The following SRD5A2 variants were observed in gnomAD, a reference collection of about 807,000 sequenced individuals.
The protein encoded by SRD5A2 is steroid 5 alpha-reductase 2.
SRD5A2 carries 30 observed loss-of-function variants against 27.4 expected under a neutral mutation model. The ratio of observed to expected loss-of-function variants is 1.10; its 90% CI spans 0.82 to 1.49. The LOEUF (loss-of-function observed/expected upper bound fraction) is 1.49, where lower values mean the gene tolerates loss of function less well. Ranked by LOEUF, SRD5A2 falls within the 40% of genes most tolerant of loss-of-function variation. SRD5A2 has a pLI of 0.00. For missense variants in SRD5A2, 348 were observed against 323.4 expected (o/e 1.08, Z -0.58); for synonymous variants, 141 against 133.6 (o/e 1.06, Z -0.38).
At chr2:31,581,604 G>A (rs1392237384), upstream of SRD5A2, among the ~76,000 whole-genome samples, 1 of 152,130 alleles carries the variant, frequency 6.6e-6, no homozygotes, top group Non-Finnish European at 1.5e-5. Flanking sequence ...ACGCGTCCCT[G>A]AGCCGCCTGC....
chr2:31,612,498 A>G, the SRD5A2 span, among the ~76,000 whole-genome samples: 1 of 152,184 alleles, frequency 6.6e-6, no homozygotes, highest in South Asian at 2.1e-4. Context: ...AAATGATAAA[A>G]CATTGATGAA....
At chr2:31,568,065 C>A (rs1478351271) in intron 1 of SRD5A2, among the ~76,000 whole-genome samples, 1 of 152,140 alleles carries the variant, frequency 6.6e-6, no homozygotes, top group African/African-American at 2.4e-5. Context: ...ATGGTTGGAC[C>A]AGATGTACCC....
the SRD5A2 span, among the ~76,000 whole-genome samples, chr2:31,644,329 G>A: frequency 6.6e-6 from 1 of 152,144 alleles, no homozygotes; most frequent in African/African-American, 2.4e-5. Context: ...CAAAAAATGC[G>A]ATGCACGATC....
chr2:31,613,649 C>A, the SRD5A2 span, among the ~76,000 whole-genome samples: 1 of 152,118 alleles, frequency 6.6e-6, no homozygotes, highest in African/African-American at 2.4e-5. Context: ...TATGATCCAG[C>A]AATTCCATTT....
chr2:31,533,719 A>G lies in SRD5A2; in HGVS notation c.329T>C (p.Ile110Thr). Residue 110 changes from isoleucine (I) to threonine (T), a missense_variant, in exon 2 of 5, where the codon ATA (isoleucine) becomes ACA (threonine). By Grantham distance (89) the Ile-to-Thr change is moderately conservative. Transcript: ENST00000622030. ...LLNRGRPYPAILILRGTAFCT... is the reference protein window; with the variant it reads ...LLNRGRPYPATLILRGTAFCT... The stretch of plus-strand genomic sequence containing the variant: ...GAAGGCAGTGCCTCTGAGAATGAGT[A>G]TAGCTGGATAAGGCCTCCCTCGATT... 3 of 1,599,922 alleles carry G rather than the reference A, an allele frequency of 1.9e-6. No individual in the cohort carries two copies. The highest frequency in any genetic ancestry group is 2.3e-5 in the South Asian group (2 of 87,662).
At chr2:31,559,468 C>A (rs1666570891) in intron 1 of SRD5A2, among the ~76,000 whole-genome samples, 1 of 152,000 alleles carries the variant, frequency 6.6e-6, no homozygotes, top group Non-Finnish European at 1.5e-5. Context: ...CGTGCTAGAA[C>A]CTACTATTCT....
chr2:31,564,291 A>G (rs2148091768), intron 1 of SRD5A2, among the ~76,000 whole-genome samples: 1 of 152,164 alleles, frequency 6.6e-6, no homozygotes, highest in East Asian at 1.9e-4. Flanking sequence ...AGATGGGATT[A>G]GCAACAGATA....
At chr2:31,646,623 G>T in the SRD5A2 span, among the ~76,000 whole-genome samples, 2 of 152,056 alleles carry the variant, frequency 1.3e-5, no homozygotes, top group African/African-American at 2.4e-5. Flanking sequence ...CTAACAAGAA[G>T]TTAAGAGTTT....
chr2:31,636,396 A>G, the SRD5A2 span, among the ~76,000 whole-genome samples: 2 of 152,034 alleles, frequency 1.3e-5, no homozygotes, highest in East Asian at 3.8e-4. Flanking sequence ...CTGCAACTTT[A>G]CTGAATTATG....
chr2:31,588,931 T>G, the SRD5A2 span, among the ~76,000 whole-genome samples: 1 of 152,114 alleles, frequency 6.6e-6, no homozygotes, highest in Admixed American at 6.6e-5. Flanking sequence ...CACTGTGAGC[T>G]TTTGCTGCAA....
At chr2:31,595,204 T>A in the SRD5A2 span, among the ~76,000 whole-genome samples, 1 of 151,792 alleles carries the variant, frequency 6.6e-6, no homozygotes, top group Non-Finnish European at 1.5e-5. Context: ...AATAAAAATA[T>A]CAGTGCAAAA....
At chr2:31,598,037 T>C in the SRD5A2 span, among the ~76,000 whole-genome samples, 1 of 151,956 alleles carries the variant, frequency 6.6e-6, no homozygotes, top group Non-Finnish European at 1.5e-5. Context: ...ATTGCAAAAA[T>C]ATGAAACCAA....
the SRD5A2 span, among the ~76,000 whole-genome samples, chr2:31,595,889 G>T: frequency 6.6e-6 from 1 of 152,158 alleles, no homozygotes; most frequent in East Asian, 1.9e-4. Flanking sequence ...GGGACGCAGG[G>T]TTGGCTTAAT....
At chr2:31,585,926 C>T (rs1667168376), upstream of SRD5A2, among the ~76,000 whole-genome samples, 1 of 152,216 alleles carries the variant, frequency 6.6e-6, no homozygotes, top group South Asian at 2.1e-4. Context: ...AGCAGTACTT[C>T]TTGTGGGCTG....
intron 1 of SRD5A2, among the ~76,000 whole-genome samples, chr2:31,573,734 G>A (rs953723395): frequency 1.3e-5 from 2 of 152,116 alleles, no homozygotes; most frequent in Non-Finnish European, 2.9e-5. Flanking sequence ...CAAAGGATGC[G>A]TACAGCTCAG....
At chr2:31,590,188 C>T in the SRD5A2 span, among the ~76,000 whole-genome samples, 1 of 106,888 alleles carries the variant, frequency 9.4e-6, no homozygotes, top group African/African-American at 3.6e-5. Flanking sequence ...TTTTTCTCTA[C>T]CCACCCTGGC....
At chr2:31,613,634 A>G in the SRD5A2 span, among the ~76,000 whole-genome samples, 1 of 152,196 alleles carries the variant, frequency 6.6e-6, no homozygotes, top group East Asian at 1.9e-4. Flanking sequence ...AAAATGGAAT[A>G]TTCATATGAT....
the SRD5A2 span, among the ~76,000 whole-genome samples, chr2:31,632,642 C>T: frequency 6.6e-6 from 1 of 152,128 alleles, no homozygotes; most frequent in Non-Finnish European, 1.5e-5. Context: ...CTGTCCTGGA[C>T]AACTGTCCTC....
chr2:31,593,354 T>C, the SRD5A2 span, among the ~76,000 whole-genome samples: 1 of 152,004 alleles, frequency 6.6e-6, no homozygotes, highest in African/African-American at 2.4e-5. Flanking sequence ...CAATCACAAC[T>C]TCTTGAAATA....
Sources: allele counts gnomAD v4.1 joint callset (sites outside exome capture counted in the v4.1 genomes callset), GRCh38; gene constraint gnomAD v4.1.1; transcripts MANE v1.5; gene names NCBI Gene and HGNC (gene_info 2026-07-23, HGNC 2026-07-21).